Variants in MBTPS1 observed in about 807,000 individuals in gnomAD.
MBTPS1 encodes membrane-bound transcription factor site-1 protease.
Under a neutral mutation model 127.8 loss-of-function variants are expected in MBTPS1, and 94 were observed. That is an observed-to-expected ratio of 0.74 (90% CI 0.62 to 0.87). The LOEUF (loss-of-function observed/expected upper bound fraction) is 0.87, where lower values mean the gene tolerates loss of function less well. MBTPS1 is among the 40% of genes least tolerant of loss of function. The pLI is 0.00. For missense variants in MBTPS1, 1,636 were observed against 1,353.2 expected (o/e 1.21, Z -3.28); for synonymous variants, 632 against 509.4 (o/e 1.24, Z -3.24).
At chr16:84,059,216 T>C in intron 21 of MBTPS1, 86 bp downstream of exon 21, 1 of 1,490,282 alleles carries the variant, frequency 6.7e-7, no homozygotes, top group Non-Finnish European at 9.1e-7. Context: ...GATAGTGATG[T>C]CAGTAAAATT....
intron 1 of MBTPS1, among the ~76,000 whole-genome samples, chr16:84,111,069 C>T (rs1193142017): frequency 6.6e-6 from 1 of 152,186 alleles, no homozygotes; most frequent in East Asian, 1.9e-4. Flanking sequence ...ATTCCTAGAA[C>T]CTGGGAATGT....
chr16:84,073,259 G>A (rs1411714769), intron 12 of MBTPS1, among the ~76,000 whole-genome samples: 2 of 152,062 alleles, frequency 1.3e-5, no homozygotes, highest in African/African-American at 2.4e-5. Context: ...TCAGCCTCCC[G>A]AGTAGCTGGG....
intron 22 of MBTPS1, among the ~76,000 whole-genome samples, chr16:84,055,325 T>A (rs925731279): frequency 6.6e-6 from 1 of 152,196 alleles, no homozygotes; most frequent in African/African-American, 2.4e-5. Context: ...TGATCCCATT[T>A]CTGGACAATT....
At chr16:84,091,314 C>T (rs1380207816) in intron 7 of MBTPS1, among the ~76,000 whole-genome samples, 3 of 151,870 alleles carry the variant, frequency 2.0e-5, no homozygotes, top group East Asian at 1.9e-4. Context: ...GGTGAAACCC[C>T]GTCTCTACTA....
At chr16:84,109,450 T>C (rs918612258) in intron 1 of MBTPS1, 1 of 152,128 alleles carries the variant, frequency 6.6e-6, no homozygotes, top group African/African-American at 2.4e-5. Flanking sequence ...GGAAAAGTCA[T>C]TTTACAGTGG....
chr16:84,087,207 TG>T, intron 9 of MBTPS1, 150 bp downstream of exon 9: 2 of 630,260 alleles, frequency 3.2e-6, no homozygotes, highest in South Asian at 3.7e-5. Context: ...TCCTCACGGC[TG>T]GGCAGGCACT....
At chr16:84,110,780 G>C (rs1482885681) in intron 1 of MBTPS1, 1 of 152,144 alleles carries the variant, frequency 6.6e-6, no homozygotes, top group East Asian at 1.9e-4. Flanking sequence ...TGGCTCCAGA[G>C]GCCACACTCT....
chr16:84,065,556 C>T, intron 18 of MBTPS1, 134 bp downstream of exon 18: 1 of 674,338 alleles, frequency 1.5e-6, no homozygotes, highest in Non-Finnish European at 2.6e-6. Context: ...AAAAGGGCAA[C>T]TGTTATGGTA....
intron 11 of MBTPS1, among the ~76,000 whole-genome samples, chr16:84,077,981 CATAA>C (rs1417602172): frequency 6.6e-6 from 1 of 151,942 alleles, no homozygotes; most frequent in Non-Finnish European, 1.5e-5. Flanking sequence ...CAAACTCACT[CATAA>C]ATAGAGAAAC....
At chr16:84,105,102 C>CAA (rs397967856) in intron 1 of MBTPS1, among the ~76,000 whole-genome samples, 1 of 126,914 alleles carries the variant, frequency 7.9e-6, no homozygotes, top group African/African-American at 2.9e-5. Flanking sequence ...GACTCTGTCT[C>CAA]AAAAAAAAAA....
At chr16:84,083,106 G>A (rs1367848413) in intron 10 of MBTPS1, among the ~76,000 whole-genome samples, 2 of 152,206 alleles carry the variant, frequency 1.3e-5, no homozygotes, top group South Asian at 4.1e-4. Context: ...AACAGTGAAG[G>A]CAGAGCCCTC....
intron 20 of MBTPS1, 91 bp from the exon 21 acceptor site, chr16:84,059,519 G>C: frequency 1.6e-6 from 2 of 1,241,064 alleles, no homozygotes; most frequent in Non-Finnish European, 2.3e-6. Context: ...GAGTCTGTCT[G>C]CTTTCCCACA....
At position 84,054,605 on chromosome 16, in the gene MBTPS1, G is replaced by T; in HGVS notation, c.3003C>A (p.Thr1001=). 1 of 1,612,498 alleles carries T rather than the reference G, an allele frequency of 6.2e-7. No individual in the cohort carries two copies. The highest frequency in any genetic ancestry group is 8.5e-7 in the Non-Finnish European group (1 of 1,179,146). ...PGRYNQEVGQ[T]IPVFAFLGAM... is the part of the protein sequence containing the mutation. ...CTCCCAGGAAGGCAAAGACAGGAAT[G>T]GTCTGGCCCACCTCCTGGTTGTAGC... The change falls in exon 23 of 23, where the codon ACC becomes ACA. Residue 1001 remains threonine, a synonymous_variant. Transcript: ENST00000343411.
chr16:84,078,549 T>C (rs1054943109), intron 11 of MBTPS1, among the ~76,000 whole-genome samples: 1 of 152,162 alleles, frequency 6.6e-6, no homozygotes, highest in Non-Finnish European at 1.5e-5. Flanking sequence ...GGGTAAATTT[T>C]TAGCAATTTA....
Position 84,081,833 on chromosome 16 carries a change from G to C in MBTPS1, c.1362C>G (p.Pro454=). The stretch of plus-strand genomic sequence containing the variant: ...GGCCTTGCTCAAACATGTTGACCCC[G>C]GGGAGCCTCCGGGCTGACGCGATCA... ...QALIASARRL[P]GVNMFEQGHG... Residue 454 remains proline, a synonymous_variant, in exon 11 of 23, where the codon CCC becomes CCG. Transcript: ENST00000343411. 1.3e-6 allele frequency: 2 copies of C among 1,532,176 alleles called. No homozygotes were observed. The allele number at this position is 1,532,176 out of a possible 1,614,324, so 94.9% of individuals were successfully genotyped here.
chr16:84,062,039 C>A (rs2085621496), intron 19 of MBTPS1, among the ~76,000 whole-genome samples: 1 of 152,202 alleles, frequency 6.6e-6, no homozygotes, highest in African/African-American at 2.4e-5. Flanking sequence ...ACCAGGAGAT[C>A]TCAGGTCTTA....
chr16:84,104,134 G>T (rs1333343727), intron 1 of MBTPS1, among the ~76,000 whole-genome samples: 1 of 152,120 alleles, frequency 6.6e-6, no homozygotes, highest in Non-Finnish European at 1.5e-5. Context: ...GGCCGAAGAA[G>T]ATAAAAGCCA....
chr16:84,101,106 C>G (rs1471467867), intron 2 of MBTPS1, among the ~76,000 whole-genome samples: 1 of 151,988 alleles, frequency 6.6e-6, no homozygotes, highest in East Asian at 1.9e-4. Context: ...CGAGACCAGC[C>G]TGGCCAATGT....
chr16:84,094,751 G>T (rs1230113443), intron 4 of MBTPS1, among the ~76,000 whole-genome samples: 1 of 152,126 alleles, frequency 6.6e-6, no homozygotes, highest in Non-Finnish European at 1.5e-5. Context: ...GTTTTGTCAA[G>T]GAGTTCTCAT....
Sources: gnomAD v4.1 joint callset for allele counts (sites outside exome capture counted in the v4.1 genomes callset) on GRCh38, gnomAD v4.1.1 for gene constraint, MANE v1.5 for transcripts, NCBI Gene and HGNC (gene_info 2026-07-23, HGNC 2026-07-21) for gene names.